Variants in RAD51B observed in about 807,000 individuals in gnomAD.
RAD51B encodes the protein RAD51 paralog B.
A neutral mutation model predicts 42.2 loss-of-function variants in RAD51B; 38 were observed. The ratio of observed to expected loss-of-function variants is 0.90; its 90% confidence interval spans 0.70 to 1.18. The LOEUF (loss-of-function observed/expected upper bound fraction) is 1.18. RAD51B is among the 50% of genes most tolerant of loss of function. The probability of loss-of-function intolerance (pLI) is 0.00; values close to 1 mark genes in which losing one functional copy is unlikely to be tolerated. For synonymous variants in RAD51B, 154 were observed against 145.2 expected, an observed-to-expected ratio of 1.06 and a Z score of -0.43; for missense variants, 373 against 400.7, an observed-to-expected ratio of 0.93 and a Z score of 0.59.
chr14:67,944,815 A>G (rs1489286663), intron 7 of RAD51B, among the ~76,000 whole-genome samples: 9 of 152,186 alleles, frequency 5.9e-5, no homozygotes, highest in African/African-American at 1.9e-4. Flanking sequence ...TGGAAATACT[A>G]TAGTGTCCAA....
At chr14:68,227,729 C>T (rs1411084983) in intron 7 of RAD51B, among the ~76,000 whole-genome samples, 2 of 152,122 alleles carry the variant, frequency 1.3e-5, no homozygotes, top group Non-Finnish European at 2.9e-5. Context: ...TGTACAGACA[C>T]TTACATATTC....
chr14:68,365,652 AT>A (rs1394371192), intron 8 of RAD51B, among the ~76,000 whole-genome samples: 2 of 152,318 alleles, frequency 1.3e-5, no homozygotes, highest in East Asian at 1.9e-4. Flanking sequence ...TAAAAAACAA[AT>A]TTTTTAAGGC....
chr14:68,021,718 C>A (rs930102550), intron 7 of RAD51B, among the ~76,000 whole-genome samples: 1 of 152,110 alleles, frequency 6.6e-6, no homozygotes. Flanking sequence ...ATAAAGTGGG[C>A]AACACAAAAT....
At chr14:68,258,454 C>T (rs1384931664) in intron 7 of RAD51B, among the ~76,000 whole-genome samples, 1 of 152,084 alleles carries the variant, frequency 6.6e-6, no homozygotes, top group African/African-American at 2.4e-5. Context: ...CACACACACA[C>T]ACACAATTTG....
At chr14:68,549,835 G>A (rs977025112) in intron 10 of RAD51B, among the ~76,000 whole-genome samples, 3 of 152,224 alleles carry the variant, frequency 2.0e-5, no homozygotes, top group African/African-American at 7.2e-5. Flanking sequence ...GCTGACTGAT[G>A]GTGAGCTTAT....
intron 8 of RAD51B, among the ~76,000 whole-genome samples, chr14:68,313,334 G>T (rs2081997924): frequency 6.6e-6 from 1 of 152,166 alleles, no homozygotes; most frequent in African/African-American, 2.4e-5. Flanking sequence ...TTTCTGGAAG[G>T]ATGACTGAAT....
intron 7 of RAD51B, among the ~76,000 whole-genome samples, chr14:67,912,551 C>T (rs574590024): frequency 3.8e-4 from 58 of 152,096 alleles, no homozygotes; most frequent in African/African-American, 1.3e-3. Flanking sequence ...AGAAAGAGCT[C>T]ACTGTAATAG....
At chr14:68,495,351 C>T (rs184981656) in intron 10 of RAD51B, among the ~76,000 whole-genome samples, 159 of 152,272 alleles carry the variant, frequency 1.0e-3, no homozygotes, top group Admixed American at 1.8e-3. Context: ...GAGAGGATTC[C>T]TCCGAGCCCC....
chr14:68,153,170 A>T (rs1425578066), intron 7 of RAD51B, among the ~76,000 whole-genome samples: 1 of 152,208 alleles, frequency 6.6e-6, no homozygotes, highest in Non-Finnish European at 1.5e-5. Flanking sequence ...CACTTTACGT[A>T]TAGTATAAGA....
intron 7 of RAD51B, among the ~76,000 whole-genome samples, chr14:67,909,167 C>T (rs1595092937): frequency 1.3e-5 from 2 of 152,090 alleles, no homozygotes; most frequent in East Asian, 1.9e-4. Context: ...GAGGTAGAGT[C>T]GTGAAGCCAT....
intron 10 of RAD51B, among the ~76,000 whole-genome samples, chr14:68,556,376 C>T (rs990233544): frequency 3.1e-4 from 47 of 152,172 alleles, no homozygotes; most frequent in African/African-American, 1.1e-3. Context: ...TCCAGCTGCT[C>T]TCCTTGTCTG....
chr14:68,263,593 G>A (rs2080929370), intron 7 of RAD51B, among the ~76,000 whole-genome samples: 1 of 152,172 alleles, frequency 6.6e-6, no homozygotes, highest in Non-Finnish European at 1.5e-5. Context: ...AGATAAATAT[G>A]TTTCATAATG....
intron 8 of RAD51B, among the ~76,000 whole-genome samples, chr14:68,373,586 G>A (rs771797603): frequency 7.9e-5 from 12 of 152,142 alleles, no homozygotes; most frequent in Non-Finnish European, 1.6e-4. Flanking sequence ...CATGGACACA[G>A]GGAGGGGAAC....
At chr14:67,871,578 C>T (rs973318644) in intron 5 of RAD51B, among the ~76,000 whole-genome samples, 5 of 152,174 alleles carry the variant, frequency 3.3e-5, no homozygotes, top group African/African-American at 1.2e-4. Flanking sequence ...TCCTCCCTAA[C>T]TGATTTTATG....
intron 7 of RAD51B, among the ~76,000 whole-genome samples, chr14:68,048,429 GA>G (rs2076338542): frequency 6.6e-6 from 1 of 152,160 alleles, no homozygotes; most frequent in Non-Finnish European, 1.5e-5. Flanking sequence ...TTGCTGTGCA[GA>G]AGCTCTTTAG....
intron 9 of RAD51B, among the ~76,000 whole-genome samples, chr14:68,446,335 A>G (rs1254975208): frequency 2.0e-5 from 3 of 152,230 alleles, no homozygotes; most frequent in Non-Finnish European, 2.9e-5. Context: ...GTCTTGCCTC[A>G]TAAACAATGT....
chr14:67,864,961 C>CTTTTTTTTTTTTTTTTTT lies in RAD51B; in HGVS notation c.316-20_316-3dup, dbSNP rs745505141. ...TGGCTTGTGATGTTTATCTAAAAAA[C>CTTTTTTTTTTTTTTTTTT]TTTTTTTTTTTTTTTTTTTTTTTTT... On this transcript the variant is annotated intron_variant, in intron 4 of 10. Transcript: ENST00000471583. 46 of 645,020 alleles carry CTTTTTTTTTTTTTTTTTT rather than the reference C, an allele frequency of 7.1e-5. 23 individuals are homozygous for CTTTTTTTTTTTTTTTTTT. Among genetic ancestry groups the CTTTTTTTTTTTTTTTTTT allele is most frequent in the African/African-American group, 4.5e-4 (12 of 26,412 alleles). 40.0% of individuals were successfully genotyped at this position (645,020 alleles called of 1,614,324 possible).
chr14:68,087,939 T>TTATTATATATAATTATATATTA (rs1566634463), intron 7 of RAD51B, among the ~76,000 whole-genome samples: 7 of 76,092 alleles, frequency 9.2e-5, no homozygotes, highest in African/African-American at 5.5e-4. Context: ...ATTATATAAT[T>TTATTATATATAATTATATATTA]TATTATTATA....
chr14:68,677,046 C>A (rs1017763774), intron 11 of RAD51B, among the ~76,000 whole-genome samples: 2 of 152,094 alleles, frequency 1.3e-5, no homozygotes, highest in African/African-American at 4.8e-5. Context: ...CAGCTATGCT[C>A]CCCCCTGTCA....
Sources: gnomAD v4.1 joint callset for allele counts (sites outside exome capture counted in the v4.1 genomes callset) on GRCh38, gnomAD v4.1.1 for gene constraint, MANE v1.5 for transcripts, NCBI Gene and HGNC (gene_info 2026-07-23, HGNC 2026-07-21) for gene names.